The following SEC24B variants were observed in gnomAD, a reference collection of about 807,000 sequenced individuals.
The protein encoded by SEC24B is protein transport protein Sec24B.
A neutral mutation model predicts 142.8 loss-of-function variants in SEC24B; 45 were observed. That is an observed-to-expected ratio of 0.32 (90% CI 0.25 to 0.40). The LOEUF is 0.40. Ranked by LOEUF, SEC24B falls within the 10% of genes least tolerant of loss-of-function variation. SEC24B has a pLI of 1.00. For synonymous variants in SEC24B, 574 were observed against 568.2 expected (o/e 1.01, Z -0.15); for missense variants, 1,409 against 1,526.8 (o/e 0.92, Z 1.29).
At chr4:109,444,214 CAAAAAA>C (rs539104834) in intron 1 of SEC24B, among the ~76,000 whole-genome samples, 2 of 80,182 alleles carry the variant, frequency 2.5e-5, no homozygotes, top group Non-Finnish European at 5.5e-5. Flanking sequence ...AACTCCATCT[CAAAAAA>C]AAAAAAAAAA....
At chr4:109,537,365 T>C (rs1444363413) in intron 22 of SEC24B, among the ~76,000 whole-genome samples, 5 of 152,226 alleles carry the variant, frequency 3.3e-5, no homozygotes, top group Non-Finnish European at 7.3e-5. Flanking sequence ...TCATGTTCTT[T>C]ATGACACGGT....
rs749797443 is a variant in SEC24B, at chr4:109,494,695, T to TCAGCTC, written c.1335_1340dup (p.Ala446_Pro447dup). On this transcript the variant is annotated inframe_insertion, in exon 6 of 24. Transcript: ENST00000265175. ...TCCTGCTTCTGCTCCAGCTCCAGCT[T>TCAGCTC]CAGCTCCAGCTCCTGTCGTCCCTCA... 6.2e-6 allele frequency: 10 copies of TCAGCTC among 1,613,870 alleles called. No individual in the cohort carries two copies. In the African/African-American group the frequency reaches 9.3e-5, roughly 15 times the overall value.
chr4:109,504,308 T>C (rs1436386991), intron 6 of SEC24B, among the ~76,000 whole-genome samples: 1 of 152,236 alleles, frequency 6.6e-6, no homozygotes, highest in Non-Finnish European at 1.5e-5. Context: ...GTTTCAAAAA[T>C]GCCTTTGTAT....
At chr4:109,445,242 G>GTTTTTTTTTTTTTTTTTT (rs70949078) in intron 1 of SEC24B, among the ~76,000 whole-genome samples, 1 of 112,780 alleles carries the variant, frequency 8.9e-6, no homozygotes, top group Non-Finnish European at 1.8e-5. Flanking sequence ...TTCTTTCTTT[G>GTTTTTTTTTTTTTTTTTT]TTTTTTTTTT....
At chr4:109,533,295 T>C (rs1193061966) in intron 21 of SEC24B, among the ~76,000 whole-genome samples, 1 of 152,156 alleles carries the variant, frequency 6.6e-6, no homozygotes, top group Non-Finnish European at 1.5e-5. Flanking sequence ...ACACAGACAG[T>C]AATGAAATAG....
intron 6 of SEC24B, among the ~76,000 whole-genome samples, chr4:109,495,745 G>A (rs898254036): frequency 6.6e-6 from 1 of 152,164 alleles, no homozygotes; most frequent in African/African-American, 2.4e-5. Context: ...GGATGATGGA[G>A]CTGCCATCTT....
At chr4:109,467,825 G>T (rs1476664921) in intron 2 of SEC24B, among the ~76,000 whole-genome samples, 2 of 152,116 alleles carry the variant, frequency 1.3e-5, no homozygotes, top group Non-Finnish European at 2.9e-5. Context: ...TAAAACAGTA[G>T]TGCCTGATTA....
intron 1 of SEC24B, among the ~76,000 whole-genome samples, chr4:109,450,471 A>G (rs2125907456): frequency 6.6e-6 from 1 of 152,108 alleles, no homozygotes; most frequent in East Asian, 1.9e-4. Context: ...CAGCCTGGCC[A>G]GGATGGTGAA....
At position 109,539,668 on chromosome 4, in the gene SEC24B, G is replaced by A. The variant is rs772229767; in HGVS notation, c.3800G>A (p.Cys1267Tyr). 2 of 1,589,312 alleles carry A rather than the reference G, an allele frequency of 1.3e-6. No homozygotes were observed. Among genetic ancestry groups the A allele is most frequent in the East Asian group, 2.2e-5 (1 of 44,742 alleles). ...EFLLHVQQQICK is the reference protein window; with the variant it reads ...EFLLHVQQQIYK The stretch of plus-strand genomic sequence containing the variant: ...TTGCTTCATGTTCAGCAGCAGATTT[G>A]TAAGTGAAGTAGAATAAAATTGAAT... The change falls in exon 24 of 24, where the codon TGT becomes TAT. Residue 1267 changes from cysteine (C) to tyrosine (Y), a missense_variant. Cys to Tyr is a radical substitution (Grantham distance 194). Coordinates refer to ENST00000265175, the MANE Select transcript of SEC24B (RefSeq NM_006323.5).
chr4:109,454,515 G>A (rs1730457832), intron 1 of SEC24B, among the ~76,000 whole-genome samples: 1 of 151,224 alleles, frequency 6.6e-6, no homozygotes, highest in Admixed American at 6.6e-5. Context: ...TCCAGCCTGG[G>A]TGACAGAGCA....
intron 3 of SEC24B, among the ~76,000 whole-genome samples, chr4:109,478,553 T>C (rs1733410711): frequency 1.3e-5 from 2 of 152,102 alleles, no homozygotes; most frequent in African/African-American, 4.8e-5. Flanking sequence ...ATTTTATAGA[T>C]AATGTAAGTG....
At chr4:109,462,698 A>G (rs1057493735) in intron 1 of SEC24B, among the ~76,000 whole-genome samples, 3 of 152,166 alleles carry the variant, frequency 2.0e-5, no homozygotes, top group Non-Finnish European at 4.4e-5. Flanking sequence ...AGGGAGGACT[A>G]CAAGGGTGTG....
At chr4:109,530,828 G>C (rs889139197) in intron 19 of SEC24B, among the ~76,000 whole-genome samples, 4 of 150,326 alleles carry the variant, frequency 2.7e-5, no homozygotes, top group African/African-American at 7.4e-5. Flanking sequence ...CCTGGGAGGT[G>C]GAGGTTGCAG....
At chr4:109,536,806 G>A (rs1314600205) in intron 22 of SEC24B, among the ~76,000 whole-genome samples, 2 of 151,950 alleles carry the variant, frequency 1.3e-5, no homozygotes, top group African/African-American at 4.8e-5. Flanking sequence ...TGGGATTACA[G>A]GCGTGAGCCA....
intron 1 of SEC24B, among the ~76,000 whole-genome samples, chr4:109,454,785 T>C (rs1730491823): frequency 6.6e-6 from 1 of 152,202 alleles, no homozygotes; most frequent in Non-Finnish European, 1.5e-5. Context: ...CTCTGTCCTA[T>C]GTGTAAAAAC....
Position 109,473,108 on chromosome 4 carries a change from A to T in SEC24B, c.982A>T (p.Arg328Ter). The T allele has an allele frequency of 6.2e-7, 1 of 1,601,414 alleles. No individual in the cohort carries two copies. The highest frequency in any genetic ancestry group is 8.5e-7 in the Non-Finnish European group (1 of 1,174,086). Reference sequence around the variant, plus strand: ...AGGATCCTCAGGATCCTCATCAACAAGAACACCTCCCACTGCAAATCACCC... The same window carrying T: ...AGGATCCTCAGGATCCTCATCAACATGAACACCTCCCACTGCAAATCACCC... ...LSGSSGSSST[R>*]TPPTANHPVE... is the part of the protein sequence containing the mutation. The change falls in exon 3 of 24, where the codon AGA (arginine) becomes TGA (stop). Residue 328 changes from arginine to a stop codon, truncating the protein, a stop_gained. Transcript: ENST00000265175. LOFTEE classifies it high-confidence loss of function.
chr4:109,510,159 T>C, intron 8 of SEC24B, 48 bp downstream of exon 8: 3 of 915,710 alleles, frequency 3.3e-6, no homozygotes, highest in Non-Finnish European at 4.9e-6. Flanking sequence ...TGTATGCTTA[T>C]GTACAAGGTA....
intron 1 of SEC24B, among the ~76,000 whole-genome samples, chr4:109,456,842 C>CT (rs1011345914): frequency 6.6e-6 from 1 of 152,154 alleles, no homozygotes; most frequent in African/African-American, 2.4e-5. Flanking sequence ...TAAACAAATA[C>CT]TTTTCCTGAA....
chr4:109,440,745 A>G (rs1473623548), intron 1 of SEC24B, among the ~76,000 whole-genome samples: 1 of 152,230 alleles, frequency 6.6e-6, no homozygotes, highest in East Asian at 1.9e-4. Flanking sequence ...TTCAGGTGGC[A>G]GAAACCATAT....
Sources: gnomAD v4.1 joint callset for allele counts (sites outside exome capture counted in the v4.1 genomes callset) on GRCh38, gnomAD v4.1.1 for gene constraint, MANE v1.5 for transcripts, NCBI Gene and HGNC (gene_info 2026-07-23, HGNC 2026-07-21) for gene names.